MROH1: variants seen among roughly 807,000 people sequenced by gnomAD.
MROH1 encodes the protein maestro heat like repeat family member 1.
A neutral mutation model predicts 116.5 loss-of-function variants in MROH1; 117 were observed. That is an observed-to-expected ratio of 1.00 (90% confidence interval 0.86 to 1.17). MROH1 has a LOEUF of 1.17. Among genes scored for constraint, MROH1 ranks in the 50% most tolerant of loss-of-function variants. MROH1 has a pLI of 0.00. For missense variants in MROH1, 1,873 were observed against 1,338.5 expected (o/e 1.40, Z -6.23); for synonymous variants, 921 against 583.9 (o/e 1.58, Z -8.32).
chr8:144,149,838 G>A (rs2130387458), intron 1 of MROH1, among the ~76,000 whole-genome samples: 1 of 152,042 alleles, frequency 6.6e-6, no homozygotes, highest in East Asian at 1.9e-4. Flanking sequence ...ACAGCTTGGT[G>A]TGGCCTGTAT....
intron 35 of MROH1, among the ~76,000 whole-genome samples, chr8:144,258,426 TG>T (rs1164172876): frequency 6.6e-6 from 1 of 151,868 alleles, no homozygotes; most frequent in East Asian, 1.9e-4. Flanking sequence ...AGGCCCGGGG[TG>T]GGGGGCACCT....
In MROH1 at chr8:144,182,671, T is replaced by C. The variant is rs1825985629; in HGVS notation, c.562+2148T>C. On this transcript the variant is annotated intron_variant, in intron 7 of 43. Transcript: ENST00000326134. This position sits in a 1 kb window ranked among gnomAD's most constrained non-coding sequence, Gnocchi z 4.1. ...AGGAAAAAGGCAAAAATATGGAAAGTAGGAGAGAAAGAGAAGAATGAACTA... is the reference window on the plus strand; with the variant it reads ...AGGAAAAAGGCAAAAATATGGAAAGCAGGAGAGAAAGAGAAGAATGAACTA... 6.6e-6 allele frequency among the ~76,000 whole-genome samples: 1 copy of C among 151,560 alleles called. No homozygotes were observed. The highest frequency in any genetic ancestry group is 2.4e-5 in the African/African-American group (1 of 41,176).
chr8:144,216,042 G>A (rs539875812), intron 12 of MROH1, among the ~76,000 whole-genome samples: 1 of 152,030 alleles, frequency 6.6e-6, no homozygotes, highest in South Asian at 2.1e-4. Context: ...AAAATTAGCC[G>A]GGCGTGGTGG....
chr8:144,212,074 T>TG (rs1378692241), intron 12 of MROH1, among the ~76,000 whole-genome samples: 3 of 104,920 alleles, frequency 2.9e-5, no homozygotes, highest in East Asian at 2.8e-4. Flanking sequence ...GCTGTGTTGT[T>TG]TTTTTGTTTG....
intron 19 of MROH1, 139 bp downstream of exon 19, chr8:144,240,292 G>A: frequency 1.6e-6 from 1 of 635,008 alleles, no homozygotes; most frequent in South Asian, 1.9e-5. Flanking sequence ...GCAGCATCAA[G>A]GCTGAAGACC....
At position 144,258,812 on chromosome 8, in the gene MROH1, G is replaced by A. The variant is rs1021662419; in HGVS notation, c.3827G>A (p.Arg1276His). The A allele has an allele frequency of 1.4e-5, 11 of 768,868 alleles. No homozygotes were observed. Among genetic ancestry groups the A allele is most frequent in the East Asian group, 2.4e-5 (1 of 40,874 alleles). 47.6% of individuals were successfully genotyped at this position (768,868 alleles called of 1,614,324 possible). The change falls in exon 36 of 44, where the codon CGC becomes CAC. Residue 1276 changes from arginine (R) to histidine (H), a missense_variant. Transcript: ENST00000326134. ...AVDTLRSMLL[R>H]SGSEDVVQRM... ...GACACCCTGCGGTCCATGCTACTCCGCAGCGGCAGCGAGGATGTGGTACAG... is the reference window on the plus strand; with the variant it reads ...GACACCCTGCGGTCCATGCTACTCCACAGCGGCAGCGAGGATGTGGTACAG...
intron 12 of MROH1, chr8:144,200,757 G>C: frequency 1.8e-6 from 1 of 542,844 alleles, no homozygotes; most frequent in Non-Finnish European, 3.4e-6. Context: ...GCTCACACTT[G>C]CTTTGACAGC....
chr8:144,238,287 C>T (rs1172568024), intron 14 of MROH1, among the ~76,000 whole-genome samples: 1 of 151,152 alleles, frequency 6.6e-6, no homozygotes, highest in East Asian at 1.9e-4. Context: ...TTTGGTATTT[C>T]AAAACCTGAA....
chr8:144,240,710 C>G, intron 20 of MROH1, 33 bp downstream of exon 20: 1 of 712,138 alleles, frequency 1.4e-6, no homozygotes, highest in South Asian at 1.5e-5. Context: ...TGGTGTGGTA[C>G]TTGGGCTCCG....
At chr8:144,197,648 G>A (rs1382851937) in intron 10 of MROH1, among the ~76,000 whole-genome samples, 4 of 149,694 alleles carry the variant, frequency 2.7e-5, no homozygotes, top group Non-Finnish European at 4.4e-5. Context: ...TGTTAGCCAG[G>A]ACGGTCTCCA....
In MROH1 at chr8:144,155,263, G is replaced by A. The variant is rs1028203672; in HGVS notation, c.-176-5707G>A. Among the ~76,000 whole-genome samples the A allele has an allele frequency of 2.0e-3, 305 of 152,198 alleles. 1 individual carries two copies. Among genetic ancestry groups the A allele is most frequent in the African/African-American group, 7.0e-3 (290 of 41,534 alleles). On this transcript the variant is annotated intron_variant, in intron 1 of 43. Transcript: ENST00000326134. ...ACCGCACCCGGCCTCTCAATACTGC[G>A]TCTTTATGTTTGTTTAGATTTTTCT...
chr8:144,252,393 G>A (rs1245780883), intron 33 of MROH1: 1 of 152,082 alleles, frequency 6.6e-6, no homozygotes, highest in Non-Finnish European at 1.5e-5. Flanking sequence ...GCATGGCCAG[G>A]CGCAGTGGCT....
At position 144,165,744 on chromosome 8, in the gene MROH1, G is replaced by GTT. The variant is rs1332159480; in HGVS notation, c.22+1897_22+1898insTT. ...TGCATGCCACTACGCCGTAATTTTT[G>GTT]TATTTTTTTTTTTTTTTTTGTAGAG... On this transcript the variant is annotated intron_variant, in intron 3 of 43. Coordinates refer to ENST00000326134, the MANE Select transcript of MROH1 (RefSeq NM_032450.3). 1.6e-3 allele frequency among the ~76,000 whole-genome samples: 223 copies of GTT among 142,270 alleles called. 1 individual carries two copies. The highest frequency in any genetic ancestry group is 5.6e-3 in the African/African-American group (214 of 37,884). 93.3% of individuals were successfully genotyped at this position (142,270 alleles called of 152,430 possible).
Position 144,256,802 on chromosome 8 carries a change from G to A in MROH1, c.3791+1097G>A, listed in dbSNP as rs1055332665. ...CCTCATCCAAATCACTAACACATTC[G>A]TGAGCCAAACACACGCTTCCCGTTA... On this transcript the variant is annotated intron_variant, in intron 35 of 43. Transcript: ENST00000326134. Among the ~76,000 whole-genome samples, 294 of 152,370 alleles carry A rather than the reference G, an allele frequency of 1.9e-3. 1 individual carries two copies. Among genetic ancestry groups the A allele is most frequent in the African/African-American group, 6.4e-3 (265 of 41,572 alleles).
At chr8:144,257,875 C>T (rs1220542227) in intron 35 of MROH1, among the ~76,000 whole-genome samples, 4 of 152,244 alleles carry the variant, frequency 2.6e-5, no homozygotes, top group African/African-American at 7.2e-5. Context: ...CGGCGGGGGC[C>T]TAAGTGTGAG....
intron 1 of MROH1, among the ~76,000 whole-genome samples, chr8:144,159,558 G>C (rs570689398): frequency 3.0e-4 from 45 of 152,244 alleles, no homozygotes; most frequent in African/African-American, 1.0e-3. Flanking sequence ...TGCCAGCCAT[G>C]TTTTTCTTTG....
At chr8:144,214,042 GCCCTGCAGTT>G (rs1314591315) in intron 12 of MROH1, 1 of 152,118 alleles carries the variant, frequency 6.6e-6, no homozygotes, top group Non-Finnish European at 1.5e-5. Context: ...GTCCTGCAGT[GCCCTGCAGTT>G]GGAACAGAGC....
intron 14 of MROH1, among the ~76,000 whole-genome samples, chr8:144,228,351 G>A (rs955459233): frequency 6.6e-6 from 1 of 152,192 alleles, no homozygotes; most frequent in Admixed American, 6.5e-5. Context: ...AATTGCTAAG[G>A]ATCATCTGAG....
At chr8:144,249,523 C>A (rs1302537090) in intron 32 of MROH1, among the ~76,000 whole-genome samples, 1 of 152,116 alleles carries the variant, frequency 6.6e-6, no homozygotes, top group Non-Finnish European at 1.5e-5. Flanking sequence ...CAGGCCAATA[C>A]CCATCATGAG....
Sources: gnomAD v4.1 joint callset for allele counts (sites outside exome capture counted in the v4.1 genomes callset) on GRCh38, gnomAD v4.1.1 for gene constraint, Gnocchi (gnomAD v3.1) non-coding constraint, MANE v1.5 for transcripts, NCBI Gene and HGNC (gene_info 2026-07-23, HGNC 2026-07-21) for gene names.